Variants in SPATA6 observed in about 807,000 individuals in gnomAD.
SPATA6 encodes the protein spermatogenesis-associated protein 6.
A neutral mutation model predicts 65.3 loss-of-function variants in SPATA6; 56 were observed. That is an observed-to-expected ratio of 0.86 (90% confidence interval 0.69 to 1.07). The LOEUF is 1.07. Among genes scored for constraint, SPATA6 ranks in the 50% least tolerant of loss-of-function variants. The probability of loss-of-function intolerance (pLI) is 0.00; values close to 1 mark genes in which losing one functional copy is unlikely to be tolerated. For synonymous variants in SPATA6, 199 were observed against 213.2 expected (o/e 0.93, Z 0.58); for missense variants, 590 against 594.8 (o/e 0.99, Z 0.08).
chr1:48,320,083 C>G (rs916279272), intron 11 of SPATA6, among the ~76,000 whole-genome samples: 9 of 152,086 alleles, frequency 5.9e-5, no homozygotes, highest in African/African-American at 1.9e-4. Flanking sequence ...GTTGATGAGC[C>G]CTTTGTCTCC....
intron 3 of SPATA6, among the ~76,000 whole-genome samples, chr1:48,430,006 A>G (rs1288759980): frequency 6.6e-6 from 1 of 152,188 alleles, no homozygotes; most frequent in African/African-American, 2.4e-5. Context: ...GACACCATCA[A>G]AAGGACCAAT....
downstream of SPATA6, among the ~76,000 whole-genome samples, chr1:48,292,596 G>A (rs575957570): frequency 5.3e-5 from 8 of 152,242 alleles, no homozygotes; most frequent in Non-Finnish European, 7.3e-5. Context: ...GTGGCAAGAG[G>A]TGGCCATAGG....
chr1:48,370,093 A>G (rs775959214), intron 9 of SPATA6, among the ~76,000 whole-genome samples: 1 of 152,248 alleles, frequency 6.6e-6, no homozygotes, highest in Admixed American at 6.5e-5. Flanking sequence ...TTACATTTAC[A>G]AAAACCTCAA....
chr1:48,268,890 T>C, the SPATA6 span, among the ~76,000 whole-genome samples: 1 of 152,172 alleles, frequency 6.6e-6, no homozygotes, highest in Non-Finnish European at 1.5e-5. Flanking sequence ...GCATCTACTA[T>C]TTATCAGGTA....
intron 9 of SPATA6, among the ~76,000 whole-genome samples, chr1:48,365,782 T>A (rs1422042172): frequency 6.6e-6 from 1 of 152,170 alleles, no homozygotes; most frequent in Non-Finnish European, 1.5e-5. Flanking sequence ...GAATACCCTT[T>A]ATTTCCTTCT....
intron 8 of SPATA6, 142 bp downstream of exon 8, chr1:48,395,125 C>G (rs1459984209): frequency 2.1e-6 from 1 of 474,074 alleles, no homozygotes; most frequent in Non-Finnish European, 3.5e-6. Context: ...CTCTTTACAA[C>G]ATACAAGTTG....
At chr1:48,312,492 T>TGAGGGACCTGCA in intron 11 of SPATA6, among the ~76,000 whole-genome samples, 1 of 152,106 alleles carries the variant, frequency 6.6e-6, no homozygotes. Context: ...GGGTCCTCAC[T>TGAGGGACCTGCA]GCTAGAAGGA....
chr1:48,375,646 A>G (rs146482070), intron 9 of SPATA6, among the ~76,000 whole-genome samples: 146 of 152,282 alleles, frequency 9.6e-4, no homozygotes, highest in African/African-American at 3.4e-3. Context: ...AGCAACTATT[A>G]AAATGAGGGC....
chr1:48,453,586 G>A (rs1351178276), intron 1 of SPATA6, among the ~76,000 whole-genome samples: 1 of 152,108 alleles, frequency 6.6e-6, no homozygotes, highest in Non-Finnish European at 1.5e-5. Context: ...ACAGTCCATA[G>A]ATACCTTCAT....
In SPATA6 at chr1:48,330,589, C is replaced by T. The variant is rs145657570; in HGVS notation, c.1195-24711G>A. On this transcript the variant is annotated intron_variant, in intron 11 of 12. Transcript: ENST00000371847. ...ATGGCAGTGTGCATGGCCCTATAAC[C>T]CCTGCCAATCATAGCCAGGCAGGCA... Among the ~76,000 whole-genome samples, 6 of 152,328 alleles carry T rather than the reference C, an allele frequency of 3.9e-5. No homozygotes were observed. In the East Asian group the frequency reaches 1.2e-3, roughly 29 times the overall value.
intron 3 of SPATA6, among the ~76,000 whole-genome samples, chr1:48,442,199 A>G (rs1484636654): frequency 1.3e-5 from 2 of 152,216 alleles, no homozygotes; most frequent in Non-Finnish European, 2.9e-5. Flanking sequence ...CTCTTCCCCC[A>G]GGGACTGGCG....
At chr1:48,446,941 C>T (rs1429350858) in intron 3 of SPATA6, among the ~76,000 whole-genome samples, 1 of 152,154 alleles carries the variant, frequency 6.6e-6, no homozygotes, top group Non-Finnish European at 1.5e-5. Context: ...TCTACCTCTG[C>T]TACCACTGAG....
chr1:48,320,406 C>T (rs558805841), intron 11 of SPATA6, among the ~76,000 whole-genome samples: 5 of 152,232 alleles, frequency 3.3e-5, no homozygotes, highest in East Asian at 1.9e-4. Context: ...CCAAAACATC[C>T]GGCAGCAAGC....
At chr1:48,453,185 T>A in intron 1 of SPATA6, 54 bp from the exon 2 acceptor site, 2 of 1,540,040 alleles carry the variant, frequency 1.3e-6, no homozygotes, top group Admixed American at 4.2e-5. Flanking sequence ...CCCTGAACTA[T>A]CCTACTAAAA....
chr1:48,355,010 A>G (rs185916387), intron 11 of SPATA6, among the ~76,000 whole-genome samples: 181 of 151,956 alleles, frequency 1.2e-3, no homozygotes, highest in Non-Finnish European at 2.0e-3. Context: ...AACCCCTTAT[A>G]CCCCCCCAAG....
At chr1:48,275,756 G>A in the SPATA6 span, among the ~76,000 whole-genome samples, 2 of 151,720 alleles carry the variant, frequency 1.3e-5, no homozygotes, top group South Asian at 2.1e-4. Flanking sequence ...TGCTGGATTT[G>A]ATTTAGCAGT....
At chr1:48,269,238 T>A in the SPATA6 span, among the ~76,000 whole-genome samples, 1 of 152,192 alleles carries the variant, frequency 6.6e-6, no homozygotes, top group African/African-American at 2.4e-5. Flanking sequence ...GTACTATCTC[T>A]ACTGACTTTG....
chr1:48,372,876 G>A (rs1455741349), intron 9 of SPATA6, among the ~76,000 whole-genome samples: 3 of 152,190 alleles, frequency 2.0e-5, no homozygotes, highest in Admixed American at 2.0e-4. Flanking sequence ...CTTTAGCCAT[G>A]GCTTTAGTGG....
intron 8 of SPATA6, among the ~76,000 whole-genome samples, chr1:48,394,677 A>G (rs1650413706): frequency 6.6e-6 from 1 of 151,972 alleles, no homozygotes; most frequent in Non-Finnish European, 1.5e-5. Flanking sequence ...TTTTCACTCA[A>G]TCTCATTTTT....
Sources: gnomAD v4.1 joint callset for allele counts (sites outside exome capture counted in the v4.1 genomes callset) on GRCh38, gnomAD v4.1.1 for gene constraint, MANE v1.5 for transcripts, NCBI Gene and HGNC (gene_info 2026-07-23, HGNC 2026-07-21) for gene names.